The following SETD4 variants were observed in gnomAD, a reference collection of about 807,000 sequenced individuals.
SETD4 encodes SET domain-containing protein 4.
Under a neutral mutation model 58.3 loss-of-function variants are expected in SETD4, and 46 were observed. The observed-to-expected ratio is 0.79, with a 90% CI of 0.62 to 1.01. The LOEUF is 1.01. SETD4 is among the 50% of genes least tolerant of loss of function. The pLI, the probability that SETD4 is intolerant of heterozygous loss-of-function variation, is 0.00. For synonymous variants in SETD4, 190 were observed against 202.6 expected (o/e 0.94, Z 0.53); for missense variants, 490 against 523.3 (o/e 0.94, Z 0.62).
intron 5 of SETD4, among the ~76,000 whole-genome samples, chr21:36,047,804 A>G (rs1811076): frequency 0.75 from 104,788 of 140,514 alleles, 39,391 homozygotes; most frequent in South Asian, 0.82. Context: ...GCCTGGCCAA[A>G]ATGGTGAAAC....
intron 6 of SETD4, among the ~76,000 whole-genome samples, chr21:36,044,553 C>T (rs2064217155): frequency 6.6e-6 from 1 of 152,232 alleles, no homozygotes; most frequent in African/African-American, 2.4e-5. Context: ...TCACACTACA[C>T]ACTCCTGATA....
chr21:36,044,447 A>C (rs541371342), intron 6 of SETD4, among the ~76,000 whole-genome samples: 52 of 152,352 alleles, frequency 3.4e-4, no homozygotes, highest in African/African-American at 1.2e-3. Context: ...GTCTTCCTAC[A>C]GTAAACTATA....
chr21:36,044,807 G>GA (rs1313538353), intron 6 of SETD4, among the ~76,000 whole-genome samples: 1 of 152,144 alleles, frequency 6.6e-6, no homozygotes, highest in East Asian at 1.9e-4. Flanking sequence ...CGACGGCCAG[G>GA]ACACAGATCC....
intron 4 of SETD4, 117 bp downstream of exon 4, chr21:36,053,466 T>C (rs1601276350): frequency 6.1e-6 from 6 of 978,066 alleles, no homozygotes; most frequent in East Asian, 4.8e-5. Context: ...AATATATCTA[T>C]TAGGTAAGTA....
intron 5 of SETD4, among the ~76,000 whole-genome samples, chr21:36,046,451 C>G (rs985992502): frequency 1.1e-4 from 16 of 152,126 alleles, no homozygotes; most frequent in Admixed American, 1.0e-3. Flanking sequence ...GTACACAGAG[C>G]TATTTAAATT....
chr21:36,045,605 G>C lies in SETD4; in HGVS notation c.703C>G (p.Leu235Val), dbSNP rs751220141. 1.2e-6 allele frequency: 2 copies of C among 1,613,884 alleles called. No homozygotes were observed. Among genetic ancestry groups the C allele is most frequent in the South Asian group, 2.2e-5 (2 of 91,080 alleles). The part of the protein sequence containing the change: ...TCALAPYLDL[L>V]NHSPHVQVKA... ...ACCTGGACATGTGGGCTATGATTCAGCAGGTCCAGGTACGGAGCGAGTGCA... is the reference window on the plus strand; with the variant it reads ...ACCTGGACATGTGGGCTATGATTCACCAGGTCCAGGTACGGAGCGAGTGCA... The change falls in exon 6 of 12, where the codon CTG becomes GTG. Residue 235 changes from leucine (L) to valine (V), a missense_variant. Coordinates refer to ENST00000332131, the MANE Select transcript of SETD4 (RefSeq NM_017438.5).
intron 9 of SETD4, among the ~76,000 whole-genome samples, chr21:36,039,244 C>T (rs2063928786): frequency 6.6e-6 from 1 of 151,416 alleles, no homozygotes; most frequent in Non-Finnish European, 1.5e-5. Context: ...GCATGCTAGA[C>T]TCAAAGAAAC....
chr21:36,040,951 G>A (rs1326234136), intron 8 of SETD4, among the ~76,000 whole-genome samples: 1 of 151,966 alleles, frequency 6.6e-6, no homozygotes, highest in African/African-American at 2.4e-5. Context: ...ACGAGGTCAG[G>A]AGATCGAGAC....
intron 9 of SETD4, among the ~76,000 whole-genome samples, chr21:36,038,647 A>G (rs980662505): frequency 4.6e-5 from 7 of 152,256 alleles, no homozygotes; most frequent in Non-Finnish European, 8.8e-5. Flanking sequence ...GCAGAGGACT[A>G]AGGAGCAAAG....
At chr21:36,041,725 A>G (rs925915971) in intron 8 of SETD4, 82 bp downstream of exon 8, 4 of 935,192 alleles carry the variant, frequency 4.3e-6, no homozygotes, top group Non-Finnish European at 6.5e-6. Flanking sequence ...GAGGGGTCTC[A>G]CCCCCATGGA....
intron 6 of SETD4, 144 bp downstream of exon 6, chr21:36,045,438 C>T (rs1484799915): frequency 1.1e-6 from 1 of 906,922 alleles, no homozygotes; most frequent in East Asian, 2.5e-5. Context: ...ACAGGAGCCT[C>T]CTGACGTCAG....
chr21:36,052,434 G>A (rs1468706176), intron 4 of SETD4, among the ~76,000 whole-genome samples: 1 of 150,094 alleles, frequency 6.7e-6, no homozygotes, highest in East Asian at 2.0e-4. Context: ...GCACATGCCT[G>A]TAATTTCAGC....
chr21:36,035,777 C>G lies in SETD4; in HGVS notation c.*216G>C, dbSNP rs558435137. ...CTCCTGGCTGCCTCACAGTCCGCCT[C>G]TCTCCTCACAGTTCAGCACTTTATT... On this transcript the variant is annotated 3_prime_UTR_variant, in exon 12 of 12. Coordinates refer to ENST00000332131, the MANE Select transcript of SETD4 (RefSeq NM_017438.5). 65 of 295,238 alleles carry G rather than the reference C, an allele frequency of 2.2e-4. No homozygotes were observed. The highest frequency in any genetic ancestry group is 1.4e-3 in the African/African-American group (63 of 44,142). 18.3% of individuals were successfully genotyped at this position (295,238 alleles called of 1,614,324 possible).
chr21:36,042,965 A>T (rs1483142108), intron 7 of SETD4: 16 of 152,192 alleles, frequency 1.1e-4, no homozygotes, highest in Admixed American at 1.0e-3. Context: ...TATTAAAAAT[A>T]GTAATAATAA....
chr21:36,039,946 T>G (rs1317253948), intron 9 of SETD4, among the ~76,000 whole-genome samples: 1 of 152,108 alleles, frequency 6.6e-6, no homozygotes, highest in African/African-American at 2.4e-5. Context: ...TTCAAGAGGT[T>G]CTCCCTGGAT....
At chr21:36,038,297 A>G in intron 9 of SETD4, 24 bp from the exon 10 acceptor site, 3 of 1,603,470 alleles carry the variant, frequency 1.9e-6, no homozygotes, top group Non-Finnish European at 2.5e-6. Context: ...GTTCCATGAC[A>G]CAATTTTAGC....
rs186348446 is a variant in SETD4 at position 36,043,751 on chromosome 21, T to C, written c.901+31A>G. 1.5e-3 allele frequency: 2,381 copies of C among 1,611,926 alleles called. 5 individuals are homozygous for C. Among genetic ancestry groups the C allele is most frequent in the Middle Eastern group, 1.8e-3 (11 of 6,050 alleles). ...CCAAATGGGGAAAAAAATTATATAG[T>C]GTTAATGTTAAGAACAAAGTTGATT... On this transcript the variant is annotated intron_variant, in intron 7 of 11. Transcript: ENST00000332131.
intron 5 of SETD4, among the ~76,000 whole-genome samples, chr21:36,047,834 CAAAAAAAAA>C (rs34827028): frequency 2.8e-5 from 2 of 70,908 alleles, no homozygotes; most frequent in African/African-American, 5.5e-5. Flanking sequence ...ACTAAAAATA[CAAAAAAAAA>C]AAAAAAAAAA....
chr21:36,060,180 G>A (rs368361386), intron 1 of SETD4, 167 bp downstream of exon 1: 133 of 958,568 alleles, frequency 1.4e-4, no homozygotes, highest in Non-Finnish European at 1.6e-4. Flanking sequence ...TCCACAAGAT[G>A]AGAGGTTACT....
Sources: gnomAD v4.1 joint callset for allele counts (sites outside exome capture counted in the v4.1 genomes callset) on GRCh38, gnomAD v4.1.1 for gene constraint, MANE v1.5 for transcripts, NCBI Gene and HGNC (gene_info 2026-07-23, HGNC 2026-07-21) for gene names.